GPR173: variants seen among roughly 807,000 people sequenced by gnomAD.
The protein encoded by GPR173 is probable G protein-coupled receptor 173.
Under a neutral mutation model 13.9 loss-of-function variants are expected in GPR173, and 2 were observed. That is an observed-to-expected ratio of 0.14 (90% CI 0.06 to 0.45). The LOEUF is 0.45. GPR173 is among the 20% of genes least tolerant of loss of function. The pLI, the probability that GPR173 is intolerant of heterozygous loss-of-function variation, is 0.98. For missense variants in GPR173, 202 were observed against 340.5 expected, an observed-to-expected ratio of 0.59 and a Z score of 3.20; for synonymous variants, 131 against 141.0, an observed-to-expected ratio of 0.93 and a Z score of 0.50.
At chrX:53,054,956 G>A (rs1377919100) in intron 1 of GPR173, among the ~76,000 whole-genome samples, 8 of 109,548 alleles carry the variant, frequency 7.3e-5, no homozygotes, top group Non-Finnish European at 1.5e-4. Context: ...TATTGTGATG[G>A]TGTGCATGAG....
chrX:53,068,790 A>AAATAAATAAATAAATC (rs1932219842), intron 1 of GPR173, among the ~76,000 whole-genome samples: 1 of 105,649 alleles, frequency 9.5e-6, no homozygotes, highest in Non-Finnish European at 1.9e-5. Context: ...ATAAATAAAT[A>AAATAAATAAATAAATC]TTTTTCATAA....
intron 1 of GPR173, 92 bp downstream of exon 1, chrX:53,049,576 GCTCT>G (rs1931924139): frequency 9.0e-6 from 1 of 111,664 alleles, no homozygotes; most frequent in African/African-American, 3.3e-5. Context: ...TCACTGCCAT[GCTCT>G]CTGTCTCTGT....
chrX:53,069,209 C>T (rs1439198277), intron 1 of GPR173, among the ~76,000 whole-genome samples: 1 of 106,955 alleles, frequency 9.3e-6, no homozygotes, highest in African/African-American at 3.4e-5. Flanking sequence ...ATCATCCCGC[C>T]TCAGCCTCCC....
At chrX:53,056,957 C>T (rs1556803260) in intron 1 of GPR173, among the ~76,000 whole-genome samples, 1 of 111,535 alleles carries the variant, frequency 9.0e-6, no homozygotes, top group African/African-American at 3.3e-5. Flanking sequence ...GTTGGATCTG[C>T]AAGGTCTCTG....
intron 1 of GPR173, among the ~76,000 whole-genome samples, chrX:53,071,615 TCCTC>T (rs2146681019): frequency 8.9e-6 from 1 of 111,800 alleles, no homozygotes; most frequent in East Asian, 2.8e-4. Flanking sequence ...ATGGCCAACA[TCCTC>T]CCCGACTCCT....
chrX:53,070,417 A>G (rs1234712845), intron 1 of GPR173, among the ~76,000 whole-genome samples: 1 of 111,877 alleles, frequency 8.9e-6, no homozygotes, highest in Non-Finnish European at 1.9e-5. Flanking sequence ...CCTCTTGTAC[A>G]TAACAGATAT....
In GPR173 at chrX:53,078,111, G is replaced by A. The variant is rs1273410067; in HGVS notation, c.*368G>A. On this transcript the variant is annotated 3_prime_UTR_variant, in exon 2 of 2. Transcript: ENST00000332582. ...GCAGGTTTTTCTACTAACAGCTGAG[G>A]AGACAGGCTTTCTTACTTTAATGTC... 4.9e-6 allele frequency: 1 copy of A among 204,849 alleles called. No individual in the cohort carries two copies. The highest frequency in any genetic ancestry group is 9.4e-6 in the Non-Finnish European group (1 of 106,528). The allele number at this position is 204,849 out of a possible 1,213,427, so 16.9% of individuals were successfully genotyped here. A position where few individuals can be genotyped will look rare whatever the true frequency, so the allele number is the denominator to read the frequency against.
rs377296420 is a variant in GPR173 at position 53,061,222 on chromosome X, C to CA, written c.-98+11751dup. Among the ~76,000 whole-genome samples, 596 of 83,042 alleles carry CA rather than the reference C, an allele frequency of 7.2e-3. 3 individuals carry two copies. The highest frequency in any genetic ancestry group is 0.021 in the African/African-American group (478 of 22,397). 72.1% of individuals were successfully genotyped at this position (83,042 alleles called of 115,157 possible). ...TGGGTGACAGAGCGAGACTCCATCT[C>CA]AAAAAAAAAAAAAGAAAGAAAGGCA... On this transcript the variant is annotated intron_variant, in intron 1 of 1. Coordinates refer to ENST00000332582, the MANE Select transcript of GPR173 (RefSeq NM_018969.6).
chrX:53,054,996 G>A (rs1427684051), intron 1 of GPR173, among the ~76,000 whole-genome samples: 2 of 109,654 alleles, frequency 1.8e-5, no homozygotes, highest in Non-Finnish European at 3.8e-5. Context: ...CTGGGTGAGG[G>A]TGGGGGTGTA....
chrX:53,055,504 A>G (rs988470995), intron 1 of GPR173, among the ~76,000 whole-genome samples: 1 of 110,213 alleles, frequency 9.1e-6, no homozygotes, highest in African/African-American at 3.3e-5. Context: ...GCAGGCGTAT[A>G]CGTACTTGGG....
intron 1 of GPR173, among the ~76,000 whole-genome samples, chrX:53,073,106 T>C (rs1326889398): frequency 3.6e-5 from 4 of 109,760 alleles, no homozygotes; most frequent in African/African-American, 1.3e-4. Context: ...GTGCTTGTAA[T>C]TCCGGCTACT....
chrX:53,071,352 G>A (rs1390059268), intron 1 of GPR173, among the ~76,000 whole-genome samples: 1 of 112,140 alleles, frequency 8.9e-6, no homozygotes, highest in African/African-American at 3.2e-5. Context: ...GAAAATGACA[G>A]GCACAGGCCT....
At chrX:53,060,027 T>TACACACAC (rs200378942) in intron 1 of GPR173, among the ~76,000 whole-genome samples, 8,634 of 101,277 alleles carry the variant, frequency 0.085, 1,154 homozygotes, top group African/African-American at 0.31. Flanking sequence ...TATATATATA[T>TACACACAC]ATATACACAC....
Position 53,063,310 on chromosome X carries a change from C to A in GPR173, c.-97-13215C>A, listed in dbSNP as rs782689872. The stretch of plus-strand genomic sequence containing the variant: ...GCACTTGGGCCTGCTTGAGCCACAG[C>A]AGGGGCAGCCAAGGGGTACTGCTCC... On this transcript the variant is annotated intron_variant, in intron 1 of 1. Transcript: ENST00000332582. Among the ~76,000 whole-genome samples, 5 of 110,637 alleles carry A rather than the reference C, an allele frequency of 4.5e-5. No individual in the cohort carries two copies. The South Asian group carries it at 1.9e-3, about 42-fold the overall frequency.
intron 1 of GPR173, among the ~76,000 whole-genome samples, chrX:53,059,628 CA>C (rs1465845610): frequency 1.8e-5 from 2 of 108,635 alleles, no homozygotes; most frequent in Non-Finnish European, 3.8e-5. Flanking sequence ...CCCACCTCTA[CA>C]AAAAATATAA....
chrX:53,051,821 G>C lies in GPR173; in HGVS notation c.-98+2337G>C, dbSNP rs140160199. On this transcript the variant is annotated intron_variant, in intron 1 of 1. Coordinates refer to ENST00000332582, the MANE Select transcript of GPR173 (RefSeq NM_018969.6). ...ATTAGATGAATGCCTAGTTGTATCT[G>C]CTTGTGCATATTGGTGTGTGCTCAT... Among the ~76,000 whole-genome samples the C allele has an allele frequency of 9.1e-3, 1,006 of 111,075 alleles. 15 individuals are homozygous for C. Among genetic ancestry groups the C allele is most frequent in the African/African-American group, 0.031 (952 of 30,503 alleles).
rs868956156 is a variant in GPR173 at position 53,074,006 on chromosome X, T to A, written c.-97-2519T>A. ...ATATATAAATATACATAAATATATA[T>A]TATACATAAATATATATTTATATAT... On this transcript the variant is annotated intron_variant, in intron 1 of 1. Transcript: ENST00000332582. Among the ~76,000 whole-genome samples the A allele has an allele frequency of 2.4e-4, 5 of 20,727 alleles. 1 individual carries two copies. Among genetic ancestry groups the A allele is most frequent in the African/African-American group, 2.2e-3 (4 of 1,800 alleles). The allele number at this position is 20,727 out of a possible 115,157, so 18.0% of individuals were successfully genotyped here.
chrX:53,065,685 T>C (rs2146678297), intron 1 of GPR173: 1 of 112,449 alleles, frequency 8.9e-6, no homozygotes, highest in South Asian at 3.6e-4. Flanking sequence ...TAAAACTCGT[T>C]TCTCGACAAA....
chrX:53,061,754 A>G (rs1451178918), intron 1 of GPR173, among the ~76,000 whole-genome samples: 1 of 111,670 alleles, frequency 9.0e-6, no homozygotes, highest in Non-Finnish European at 1.9e-5. Context: ...GCTCACTTCT[A>G]GAAACATGTC....
Sources: allele counts gnomAD v4.1 joint callset (sites outside exome capture counted in the v4.1 genomes callset), GRCh38; gene constraint gnomAD v4.1.1; transcripts MANE v1.5; gene names NCBI Gene and HGNC (gene_info 2026-07-23, HGNC 2026-07-21).